The following PTPRN2 variants were observed in gnomAD, a reference collection of about 807,000 sequenced individuals.
PTPRN2 encodes the protein protein tyrosine phosphatase receptor type N2, also known as receptor-type tyrosine-protein phosphatase N2.
A neutral mutation model predicts 118.8 loss-of-function variants in PTPRN2; 74 were observed. That is an observed-to-expected ratio of 0.62 (90% CI 0.52 to 0.76). The LOEUF is 0.76. Ranked by LOEUF, PTPRN2 falls within the 30% of genes least tolerant of loss-of-function variation. The pLI, the probability that PTPRN2 is intolerant of heterozygous loss-of-function variation, is 0.00. For synonymous variants in PTPRN2, 641 were observed against 608.0 expected (o/e 1.05, Z -0.80); for missense variants, 1,481 against 1,394.4 (o/e 1.06, Z -0.99).
intron 11 of PTPRN2, among the ~76,000 whole-genome samples, chr7:158,061,361 G>A (rs1262830268): frequency 1.3e-5 from 2 of 152,184 alleles, no homozygotes; most frequent in African/African-American, 4.8e-5. Flanking sequence ...CTTGACAGTG[G>A]CCCCGCAACC....
chr7:157,788,849 A>T (rs1479133019), intron 12 of PTPRN2, among the ~76,000 whole-genome samples: 3 of 151,990 alleles, frequency 2.0e-5, no homozygotes, highest in Admixed American at 1.3e-4. Flanking sequence ...TGTGGGAGGC[A>T]GCCGGGGCCA....
intron 2 of PTPRN2, among the ~76,000 whole-genome samples, chr7:158,330,866 G>T (rs1426844685): frequency 2.1e-5 from 2 of 97,124 alleles, no homozygotes; most frequent in African/African-American, 3.8e-5. Flanking sequence ...GCTGATGCCC[G>T]CAGACGTCAT....
intron 1 of PTPRN2, among the ~76,000 whole-genome samples, chr7:158,519,149 T>C (rs1823795167): frequency 6.6e-6 from 1 of 152,112 alleles, no homozygotes; most frequent in Non-Finnish European, 1.5e-5. Flanking sequence ...ACAGGCGTCG[T>C]CACTGTTTCC....
intron 11 of PTPRN2, among the ~76,000 whole-genome samples, chr7:157,978,003 C>T (rs887906752): frequency 2.6e-5 from 4 of 151,934 alleles, no homozygotes; most frequent in South Asian, 2.1e-4. Context: ...ACTCCCTGTA[C>T]GTCGCATGCA....
chr7:157,630,593 A>G (rs1299867582), intron 14 of PTPRN2, among the ~76,000 whole-genome samples: 1 of 152,214 alleles, frequency 6.6e-6, no homozygotes, highest in Non-Finnish European at 1.5e-5. Flanking sequence ...CCGGCTCTCC[A>G]AACAAGCAAC....
intron 3 of PTPRN2, among the ~76,000 whole-genome samples, chr7:158,263,386 C>G (rs748991037): frequency 6.7e-6 from 1 of 149,546 alleles, no homozygotes; most frequent in Non-Finnish European, 1.5e-5. Context: ...TGTACACACA[C>G]GTGCACATCC....
chr7:158,192,036 G>A (rs947259274), intron 5 of PTPRN2, among the ~76,000 whole-genome samples: 3 of 152,152 alleles, frequency 2.0e-5, no homozygotes, highest in African/African-American at 7.2e-5. Context: ...TACCTCCCTG[G>A]TGTGCATCTG....
chr7:158,431,427 G>C (rs369814016), intron 2 of PTPRN2, among the ~76,000 whole-genome samples: 70 of 31,432 alleles, frequency 2.2e-3, no homozygotes, highest in African/African-American at 8.5e-3. Context: ...GGGCACACTG[G>C]CTCACACCAG....
chr7:157,830,634 C>G (rs145301173), intron 12 of PTPRN2, among the ~76,000 whole-genome samples: 7 of 152,362 alleles, frequency 4.6e-5, no homozygotes, highest in Non-Finnish European at 8.8e-5. Flanking sequence ...GCATCTGAAT[C>G]TAGTAGTGTG....
chr7:158,364,174 G>C (rs937202516), intron 2 of PTPRN2, among the ~76,000 whole-genome samples: 1 of 143,020 alleles, frequency 7.0e-6, no homozygotes, highest in Non-Finnish European at 1.5e-5. Flanking sequence ...TCTGCCTCTC[G>C]CCATGCTTCC....
At chr7:158,094,634 G>A (rs1378946905) in intron 10 of PTPRN2, among the ~76,000 whole-genome samples, 6 of 152,160 alleles carry the variant, frequency 3.9e-5, no homozygotes, top group African/African-American at 1.2e-4. Context: ...TTGCAGCTTC[G>A]CTCTCATGAT....
chr7:158,583,329 C>A (rs1441420893), intron 1 of PTPRN2, among the ~76,000 whole-genome samples: 1 of 152,124 alleles, frequency 6.6e-6, no homozygotes. Context: ...TGTCGATAGC[C>A]CTATTCTTCA....
At chr7:158,164,211 G>C (rs1054152289) in intron 6 of PTPRN2, among the ~76,000 whole-genome samples, 3 of 149,094 alleles carry the variant, frequency 2.0e-5, no homozygotes, top group African/African-American at 7.8e-5. Context: ...AAGGCACACA[G>C]AACAGGAGCG....
intron 15 of PTPRN2, among the ~76,000 whole-genome samples, chr7:157,620,783 G>C (rs1276791905): frequency 6.6e-6 from 1 of 152,192 alleles, no homozygotes; most frequent in Admixed American, 6.5e-5. Context: ...CTTCCCAGAG[G>C]GGGCAAGTCT....
rs190504071 is a variant in PTPRN2 at position 158,274,314 on chromosome 7, C to T, written c.277+42505G>A. On this transcript the variant is annotated intron_variant, in intron 3 of 22. Coordinates refer to ENST00000389418, the MANE Select transcript of PTPRN2 (RefSeq NM_002847.5). ...ACACAGGAGGAGACACACAAGGAGC[C>T]GCAGCCACAGGGGGAGCCGCAGACG... Among the ~76,000 whole-genome samples the T allele has an allele frequency of 5.8e-4, 72 of 123,940 alleles. 2 individuals carry two copies. Among genetic ancestry groups the T allele is most frequent in the African/African-American group, 2.4e-3 (71 of 30,172 alleles). 81.3% of individuals were successfully genotyped at this position (123,940 alleles called of 152,430 possible).
At chr7:158,481,045 G>T (rs992031962) in intron 2 of PTPRN2, among the ~76,000 whole-genome samples, 11 of 152,262 alleles carry the variant, frequency 7.2e-5, no homozygotes, top group Admixed American at 3.3e-4. Context: ...TGAAGAAGAT[G>T]CCATCTAGGA....
rs1208822006 is a variant in PTPRN2 at position 157,874,786 on chromosome 7, CAT to C, written c.1788+23885_1788+23886del. On this transcript the variant is annotated intron_variant, in intron 12 of 22. Coordinates refer to ENST00000389418, the MANE Select transcript of PTPRN2 (RefSeq NM_002847.5). This position sits in a 1 kb window ranked among gnomAD's most constrained non-coding sequence, Gnocchi z 5.8. ...TCATGCACACACACACGAACACACT[CAT>C]ACACATATACACACAGAGACACACT... Among the ~76,000 whole-genome samples, 1 of 151,492 alleles carries C rather than the reference CAT, an allele frequency of 6.6e-6. No homozygotes were observed. Among genetic ancestry groups the C allele is most frequent in the Non-Finnish European group, 1.5e-5 (1 of 67,894 alleles).
At chr7:158,293,095 T>C (rs1199139599) in intron 3 of PTPRN2, among the ~76,000 whole-genome samples, 1 of 151,914 alleles carries the variant, frequency 6.6e-6, no homozygotes, top group Non-Finnish European at 1.5e-5. Flanking sequence ...GGTGCAGCTA[T>C]ATAGAGCACT....
chr7:157,958,466 T>C (rs992126580), intron 11 of PTPRN2, among the ~76,000 whole-genome samples: 1 of 152,212 alleles, frequency 6.6e-6, no homozygotes, highest in Admixed American at 6.6e-5. Context: ...ATTGTTTCTG[T>C]TCACTTATGA....
Sources: gnomAD v4.1 joint callset for allele counts (sites outside exome capture counted in the v4.1 genomes callset) on GRCh38, gnomAD v4.1.1 for gene constraint, Gnocchi (gnomAD v3.1) non-coding constraint, MANE v1.5 for transcripts, NCBI Gene and HGNC (gene_info 2026-07-23, HGNC 2026-07-21) for gene names.